The following PIP5K1B variants were observed in gnomAD, a reference collection of about 807,000 sequenced individuals.
The protein encoded by PIP5K1B is phosphatidylinositol-4-phosphate 5-kinase type 1 beta.
Under a neutral mutation model 67.0 loss-of-function variants are expected in PIP5K1B, and 42 were observed. The ratio of observed to expected loss-of-function variants is 0.63; its 90% CI spans 0.49 to 0.81. The LOEUF is 0.81. PIP5K1B is among the 30% of genes least tolerant of loss of function. The pLI, the probability that PIP5K1B is intolerant of heterozygous loss-of-function variation, is 0.00. For missense variants in PIP5K1B, 459 were observed against 646.3 expected, an observed-to-expected ratio of 0.71 and a Z score of 3.14; for synonymous variants, 214 against 231.4, an observed-to-expected ratio of 0.92 and a Z score of 0.68.
At chr9:68,939,611 A>G (rs918608445) in intron 13 of PIP5K1B, among the ~76,000 whole-genome samples, 1 of 152,104 alleles carries the variant, frequency 6.6e-6, no homozygotes, top group Non-Finnish European at 1.5e-5. Flanking sequence ...GCAGTTTTCT[A>G]TTTTGACTTG....
chr9:68,738,453 A>G (rs1828849108), intron 1 of PIP5K1B, among the ~76,000 whole-genome samples: 1 of 152,198 alleles, frequency 6.6e-6, no homozygotes, highest in African/African-American at 2.4e-5. Context: ...ATAATAAAGA[A>G]TTGCTGGACT....
At chr9:68,733,340 C>G (rs1587358825) in intron 1 of PIP5K1B, among the ~76,000 whole-genome samples, 1 of 152,114 alleles carries the variant, frequency 6.6e-6, no homozygotes, top group Non-Finnish European at 1.5e-5. Context: ...AACTGCAGAG[C>G]CTTGCATATT....
chr9:68,719,566 A>G (rs564629850), intron 1 of PIP5K1B, among the ~76,000 whole-genome samples: 142 of 152,340 alleles, frequency 9.3e-4, no homozygotes, highest in Admixed American at 1.8e-3. Flanking sequence ...GGCAAGCTGT[A>G]TTTAAATGAT....
At chr9:68,812,375 A>G (rs1833217485) in intron 2 of PIP5K1B, among the ~76,000 whole-genome samples, 1 of 152,222 alleles carries the variant, frequency 6.6e-6, no homozygotes, top group South Asian at 2.1e-4. Context: ...TTTATTCCTT[A>G]AGGTCACAGA....
chr9:68,863,790 G>C (rs1467469178), intron 4 of PIP5K1B, 47 bp from the exon 5 acceptor site: 2 of 1,582,720 alleles, frequency 1.3e-6, no homozygotes, highest in African/African-American at 2.7e-5. Context: ...CATTGAACAA[G>C]GCCCTGACTG....
chr9:68,994,144 G>A (rs191895682), intron 15 of PIP5K1B, among the ~76,000 whole-genome samples: 313 of 145,950 alleles, frequency 2.1e-3, no homozygotes, highest in African/African-American at 7.0e-3. Flanking sequence ...AGGTTCAAGC[G>A]ATTCTCCTGC....
chr9:68,891,945 G>A (rs538836043), intron 7 of PIP5K1B, among the ~76,000 whole-genome samples: 1 of 152,082 alleles, frequency 6.6e-6, no homozygotes, highest in Non-Finnish European at 1.5e-5. Flanking sequence ...TTCTGATTGG[G>A]AAAGCAAGAT....
intron 8 of PIP5K1B, among the ~76,000 whole-genome samples, chr9:68,900,825 C>CTG (rs1825320238): frequency 6.6e-6 from 1 of 152,186 alleles, no homozygotes; most frequent in Admixed American, 6.5e-5. Flanking sequence ...AAACCAGTCT[C>CTG]AAGAATACTG....
chr9:68,984,063 A>G (rs1461897816), intron 14 of PIP5K1B, among the ~76,000 whole-genome samples: 2 of 152,222 alleles, frequency 1.3e-5, no homozygotes, highest in South Asian at 2.1e-4. Flanking sequence ...TCTAAAAAAT[A>G]CAAATTAAAT....
chr9:68,828,098 C>G (rs1834080878), intron 4 of PIP5K1B, among the ~76,000 whole-genome samples: 4 of 152,174 alleles, frequency 2.6e-5, no homozygotes, highest in Admixed American at 6.5e-5. Flanking sequence ...GTCAGTGTTT[C>G]CCAACACCAG....
At chr9:68,925,392 G>T (rs2132555105) in intron 12 of PIP5K1B, among the ~76,000 whole-genome samples, 1 of 152,226 alleles carries the variant, frequency 6.6e-6, no homozygotes, top group African/African-American at 2.4e-5. Context: ...CAGCATTGTG[G>T]TTTTTAAATT....
At chr9:68,819,856 G>C (rs1209613507) in intron 3 of PIP5K1B, among the ~76,000 whole-genome samples, 1 of 152,088 alleles carries the variant, frequency 6.6e-6, no homozygotes, top group East Asian at 1.9e-4. Context: ...CTTGAATCCA[G>C]ATGATAGTTC....
chr9:68,735,209 C>T (rs945268921), intron 1 of PIP5K1B, among the ~76,000 whole-genome samples: 1 of 150,992 alleles, frequency 6.6e-6, no homozygotes, highest in Admixed American at 6.6e-5. Flanking sequence ...ATACCAGTTT[C>T]CCCTATCTTT....
At chr9:68,889,270 C>A (rs903308927) in intron 7 of PIP5K1B, 137 bp downstream of exon 7, 1 of 647,338 alleles carries the variant, frequency 1.5e-6, no homozygotes. Context: ...TTAAATTATG[C>A]TATGACATTC....
chr9:68,902,724 A>C (rs536024087), intron 8 of PIP5K1B, among the ~76,000 whole-genome samples: 5 of 152,298 alleles, frequency 3.3e-5, no homozygotes, highest in Non-Finnish European at 5.9e-5. Context: ...TTACATTTCC[A>C]CCAGCAGTGG....
rs544400442 is a variant in PIP5K1B at position 68,803,715 on chromosome 9, T to A, written c.-85-14746T>A. 4.6e-5 allele frequency among the ~76,000 whole-genome samples: 7 copies of A among 152,374 alleles called. No homozygotes were observed. In the East Asian group the frequency reaches 1.3e-3, roughly 29 times the overall value. On this transcript the variant is annotated intron_variant, in intron 2 of 15. Coordinates refer to ENST00000265382, the MANE Select transcript of PIP5K1B (RefSeq NM_003558.4). ...TGTCTAGGAATACAAGTTTCTTGTT[T>A]GTTTAACTGGGAACATTACCTTCCT...
chr9:68,862,646 G>A lies in PIP5K1B; in HGVS notation c.70-1191G>A, dbSNP rs559861583. 2.6e-5 allele frequency among the ~76,000 whole-genome samples: 4 copies of A among 152,100 alleles called. No individual in the cohort carries two copies. In the East Asian group the frequency reaches 5.8e-4, roughly 22 times the overall value. On this transcript the variant is annotated intron_variant, in intron 4 of 15. Coordinates refer to ENST00000265382, the MANE Select transcript of PIP5K1B (RefSeq NM_003558.4). The stretch of plus-strand genomic sequence containing the variant: ...ATCTCTACTAAAAATACAAATATTA[G>A]CCAGATGTGGTGGTGCATGCCTGTA...
intron 14 of PIP5K1B, among the ~76,000 whole-genome samples, chr9:68,958,409 G>A (rs1483963118): frequency 6.6e-6 from 1 of 152,030 alleles, no homozygotes; most frequent in Non-Finnish European, 1.5e-5. Flanking sequence ...TAATTGTTTA[G>A]ACTCTTTAAA....
chr9:68,977,037 C>T (rs1299465947), intron 14 of PIP5K1B, among the ~76,000 whole-genome samples: 3 of 152,150 alleles, frequency 2.0e-5, no homozygotes, highest in Non-Finnish European at 4.4e-5. Flanking sequence ...TCATGGATGG[C>T]CCATACTGCC....
Sources: gnomAD v4.1 joint callset for allele counts (sites outside exome capture counted in the v4.1 genomes callset) on GRCh38, gnomAD v4.1.1 for gene constraint, MANE v1.5 for transcripts, NCBI Gene and HGNC (gene_info 2026-07-23, HGNC 2026-07-21) for gene names.